TFDP2: variants seen among roughly 807,000 people sequenced by gnomAD.
TFDP2 encodes transcription factor Dp-2 (E2F dimerization partner 2).
Under a neutral mutation model 59.3 loss-of-function variants are expected in TFDP2, and 17 were observed. That is an observed-to-expected ratio of 0.29 (90% CI 0.20 to 0.43). The LOEUF (loss-of-function observed/expected upper bound fraction) is 0.43. Ranked by LOEUF, TFDP2 falls within the 20% of genes least tolerant of loss-of-function variation. The probability of loss-of-function intolerance (pLI) is 1.00; values close to 1 mark genes in which losing one functional copy is unlikely to be tolerated. For missense variants in TFDP2, 391 were observed against 528.8 expected, an observed-to-expected ratio of 0.74 and a Z score of 2.56; for synonymous variants, 180 against 194.7, an observed-to-expected ratio of 0.92 and a Z score of 0.63.
chr3:142,106,522 A>G (rs2061478710), intron 1 of TFDP2, among the ~76,000 whole-genome samples: 2 of 152,248 alleles, frequency 1.3e-5, no homozygotes. Flanking sequence ...AGTGTCTAGA[A>G]ATTAAATAAA....
chr3:142,095,240 T>C (rs2061125587), intron 2 of TFDP2, among the ~76,000 whole-genome samples: 1 of 152,200 alleles, frequency 6.6e-6, no homozygotes, highest in African/African-American at 2.4e-5. Context: ...TCCACCCGTC[T>C]TGGCCTCCCA....
chr3:141,994,234 G>A (rs1453985858), intron 5 of TFDP2: 1 of 152,106 alleles, frequency 6.6e-6, no homozygotes, highest in African/African-American at 2.4e-5. Context: ...CACTTTGCCA[G>A]GATTATTAAT....
intron 3 of TFDP2, among the ~76,000 whole-genome samples, chr3:142,089,029 AT>A (rs2060909371): frequency 6.6e-6 from 1 of 152,006 alleles, no homozygotes; most frequent in African/African-American, 2.4e-5. Context: ...GGGTTTCACC[AT>A]GTTGGTAAGG....
chr3:142,113,607 CTG>C (rs1329061602), intron 1 of TFDP2, among the ~76,000 whole-genome samples: 5 of 151,986 alleles, frequency 3.3e-5, no homozygotes, highest in Admixed American at 2.6e-4. Context: ...TATAGACAAA[CTG>C]TTGTATAATG....
intron 1 of TFDP2, among the ~76,000 whole-genome samples, chr3:142,132,587 T>C (rs758240789): frequency 6.8e-6 from 1 of 147,870 alleles, no homozygotes; most frequent in Admixed American, 6.7e-5. Flanking sequence ...CTAGAAAAAA[T>C]ACAAAAAATT....
chr3:142,002,816 T>C (rs1010620423), intron 4 of TFDP2, among the ~76,000 whole-genome samples: 2 of 152,168 alleles, frequency 1.3e-5, no homozygotes, highest in African/African-American at 4.8e-5. Context: ...TAGTCTGCTA[T>C]AACAAAATAC....
intron 1 of TFDP2, among the ~76,000 whole-genome samples, chr3:142,148,157 G>C (rs2063239974): frequency 6.7e-6 from 1 of 149,882 alleles, no homozygotes; most frequent in Non-Finnish European, 1.5e-5. Context: ...CAAATGAAAA[G>C]ACACAAAACT....
intron 1 of TFDP2, among the ~76,000 whole-genome samples, chr3:142,134,667 CTGAGT>C (rs1174962530): frequency 1.3e-5 from 2 of 152,010 alleles, no homozygotes; most frequent in East Asian, 1.9e-4. Flanking sequence ...CACAGCCAAT[CTGAGT>C]TAATTACTGC....
chr3:141,998,549 G>A (rs571551831), intron 4 of TFDP2, among the ~76,000 whole-genome samples: 5 of 152,062 alleles, frequency 3.3e-5, no homozygotes, highest in East Asian at 1.9e-4. Context: ...CCTGGGAAGC[G>A]GAGGCTGCAG....
chr3:142,105,497 G>A (rs192053748), intron 1 of TFDP2, among the ~76,000 whole-genome samples: 107 of 152,228 alleles, frequency 7.0e-4, no homozygotes, highest in Middle Eastern at 3.4e-3. Flanking sequence ...GAGCATAGTT[G>A]TGATGGCTAG....
At chr3:142,115,315 CTTTT>C (rs906368574) in intron 1 of TFDP2, among the ~76,000 whole-genome samples, 11 of 130,976 alleles carry the variant, frequency 8.4e-5, no homozygotes, top group Non-Finnish European at 1.5e-4. Context: ...CACGCATTTT[CTTTT>C]TTTTTTTTTT....
intron 4 of TFDP2, among the ~76,000 whole-genome samples, chr3:141,997,743 G>A (rs909449817): frequency 2.7e-5 from 4 of 150,784 alleles, no homozygotes; most frequent in African/African-American, 9.7e-5. Context: ...TCAGCTACCT[G>A]GAAGGCTGAG....
intron 4 of TFDP2, 74 bp from the exon 5 acceptor site, chr3:141,995,215 T>C (rs1425094899): frequency 4.7e-6 from 6 of 1,290,224 alleles, no homozygotes; most frequent in Middle Eastern, 2.8e-4. Flanking sequence ...ATAACATTGA[T>C]TGCTAACCTA....
intron 4 of TFDP2, among the ~76,000 whole-genome samples, chr3:141,997,200 A>C (rs534890393): frequency 1.3e-5 from 2 of 152,306 alleles, no homozygotes; most frequent in Non-Finnish European, 2.9e-5. Flanking sequence ...AGGTACAATA[A>C]ATATTTACTA....
rs540459465 is a variant in TFDP2, at chr3:142,005,332, C to T, written c.186+109G>A. The T allele has an allele frequency of 7.9e-5, 69 of 875,594 alleles. No individual in the cohort carries two copies. In the African/African-American group the frequency reaches 9.3e-4, roughly 12 times the overall value. 54.2% of individuals were successfully genotyped at this position (875,594 alleles called of 1,614,324 possible). A position where few individuals can be genotyped will look rare whatever the true frequency, so the allele number is the denominator to read the frequency against. The stretch of plus-strand genomic sequence containing the variant: ...GGGATTACAGGAGTGAGCCACCTAC[C>T]GCGCCTGGTTTAACTGGAATATCTG... On this transcript the variant is annotated intron_variant, in intron 4 of 12. Transcript: ENST00000489671.
At chr3:142,023,216 G>T (rs1379967001) in intron 3 of TFDP2, among the ~76,000 whole-genome samples, 1 of 150,888 alleles carries the variant, frequency 6.6e-6, no homozygotes, top group Non-Finnish European at 1.5e-5. Flanking sequence ...ATAGAGTCTT[G>T]TTGTGTCACC....
In TFDP2 at chr3:141,948,839, T is replaced by G. The variant is rs1251361141; in HGVS notation, c.*3674A>C. 1.3e-5 allele frequency: 2 copies of G among 152,076 alleles called. No homozygotes were observed. The highest frequency in any genetic ancestry group is 4.8e-5 in the African/African-American group (2 of 41,364). The allele number at this position is 152,076 out of a possible 1,614,324, so 9.4% of individuals were successfully genotyped here. A position where few individuals can be genotyped will look rare whatever the true frequency, so the allele number is the denominator to read the frequency against. ...TCCATTTGAGGCCGGGTGCGGTGGC[T>G]CACGCCTGTAATCCCAGCACTTTGG... On this transcript the variant is annotated 3_prime_UTR_variant, in exon 13 of 13. Coordinates refer to ENST00000489671, the MANE Select transcript of TFDP2 (RefSeq NM_001178139.2).
chr3:142,026,138 G>A (rs1209526156), intron 3 of TFDP2, among the ~76,000 whole-genome samples: 13 of 152,054 alleles, frequency 8.5e-5, no homozygotes, highest in African/African-American at 3.1e-4. Context: ...GGCAGATCAC[G>A]AGGTCAGGAG....
At chr3:142,139,382 G>A (rs926541231) in intron 1 of TFDP2, among the ~76,000 whole-genome samples, 2 of 152,118 alleles carry the variant, frequency 1.3e-5, no homozygotes, top group African/African-American at 4.8e-5. Flanking sequence ...GGTTAATATT[G>A]TTATGTGTGG....
Sources: gnomAD v4.1 joint callset for allele counts (sites outside exome capture counted in the v4.1 genomes callset) on GRCh38, gnomAD v4.1.1 for gene constraint, MANE v1.5 for transcripts, NCBI Gene and HGNC (gene_info 2026-07-23, HGNC 2026-07-21) for gene names.